Variants in TCERG1 observed in about 807,000 individuals in gnomAD.
TCERG1 encodes the protein TATA box binding protein (TBP)-associated factor, RNA polymerase II, S, 150kD.
TCERG1 carries 37 observed loss-of-function variants against 144.7 expected under a neutral mutation model. The ratio of observed to expected loss-of-function variants is 0.26; its 90% CI spans 0.20 to 0.34. The LOEUF is 0.34. Among genes scored for constraint, TCERG1 ranks in the 10% least tolerant of loss-of-function variants. The pLI is 1.00. For missense variants in TCERG1, 1,027 were observed against 1,380.7 expected, an observed-to-expected ratio of 0.74 and a Z score of 4.06; for synonymous variants, 492 against 458.2, an observed-to-expected ratio of 1.07 and a Z score of -0.94.
intron 15 of TCERG1, among the ~76,000 whole-genome samples, chr5:146,487,837 C>G (rs191615951): frequency 7.9e-5 from 12 of 151,982 alleles, no homozygotes; most frequent in Admixed American, 6.6e-4. Flanking sequence ...ATCGTAGTAC[C>G]AGACTTCAAA....
At chr5:146,467,994 G>A (rs893123972) in intron 5 of TCERG1, among the ~76,000 whole-genome samples, 1 of 152,190 alleles carries the variant, frequency 6.6e-6, no homozygotes, top group South Asian at 2.1e-4. Flanking sequence ...CTAAGCAACA[G>A]CAGCATGGGT....
chr5:146,509,570 T>C (rs529991811), intron 22 of TCERG1, among the ~76,000 whole-genome samples: 32 of 152,210 alleles, frequency 2.1e-4, no homozygotes, highest in African/African-American at 7.5e-4. Context: ...GAAGAGACTT[T>C]TAAAATAATC....
rs543747361 is a variant in TCERG1, at chr5:146,503,896, A to C, written c.2671A>C (p.Arg891=). Residue 891 remains arginine (R), a synonymous_variant, in exon 19 of 23, where the codon AGG becomes CGG. Transcript: ENST00000679501. ...TGAGGCAAGCCTTCGAGAACGAGAAAGGGAGGTTCAAAAGGCCCGTTCAGA... is the reference window on the plus strand; with the variant it reads ...TGAGGCAAGCCTTCGAGAACGAGAACGGGAGGTTCAAAAGGCCCGTTCAGA... ...RIEASLRERE[R]EVQKARSEQT... The C allele has an allele frequency of 3.1e-6, 5 of 1,613,564 alleles. No homozygotes were observed. In the African/African-American group the frequency reaches 5.3e-5, roughly 17 times the overall value.
Position 146,471,192 on chromosome 5 carries a change from A to T in TCERG1, c.1513-296A>T, listed in dbSNP as rs543842511. On this transcript the variant is annotated intron_variant, in intron 8 of 22. Transcript: ENST00000679501. The stretch of plus-strand genomic sequence containing the variant: ...TTCAGTAGCAGGAAAGCTAGCAGAA[A>T]TAAGAAACAACCTTAAATGAAGAGG... Among the ~76,000 whole-genome samples, 28 of 152,360 alleles carry T rather than the reference A, an allele frequency of 1.8e-4. No homozygotes were observed. In the South Asian group the frequency reaches 5.6e-3, roughly 30 times the overall value.
intron 4 of TCERG1, 80 bp downstream of exon 4, chr5:146,459,417 A>G: frequency 6.5e-7 from 1 of 1,535,354 alleles, no homozygotes; most frequent in Non-Finnish European, 8.8e-7. Context: ...TATTGATCCC[A>G]GTGTTTCTGG....
chr5:146,510,548 G>A lies in TCERG1; in HGVS notation c.3254G>A (p.Arg1085His), dbSNP rs751112914. 14 of 1,613,998 alleles carry A rather than the reference G, an allele frequency of 8.7e-6. No homozygotes were observed. Among genetic ancestry groups the A allele is most frequent in the Admixed American group, 3.3e-5 (2 of 60,010 alleles). The change falls in exon 23 of 23, where the codon CGT (arginine) becomes CAT (histidine). Residue 1085 changes from arginine to histidine, a missense_variant. By Grantham distance (29) the Arg-to-His change is conservative. Transcript: ENST00000679501. ...CTGGACTGTGTGCCAGAGGAGAGGC[G>A]TAAACTGATTGTGGCATATGTTGAT... Reference protein sequence around the residue: ...LVLDCVPEERRKLIVAYVDDL... With the variant: ...LVLDCVPEERHKLIVAYVDDL...
In TCERG1 at chr5:146,483,459, C is replaced by T. The variant is rs1581498112; in HGVS notation, c.2074-81C>T. The T allele has an allele frequency of 5.9e-5, 72 of 1,211,356 alleles. 2 individuals are homozygous for T. The South Asian group carries it at 9.4e-4, about 16-fold the overall frequency. 75.0% of individuals were successfully genotyped at this position (1,211,356 alleles called of 1,614,324 possible). ...TTATGTCTCCTTTATAAACAGATAT[C>T]CTGTAGATTTCAAGCAAAATTATGA... On this transcript the variant is annotated intron_variant, in intron 14 of 22. Transcript: ENST00000679501.
chr5:146,490,982 A>G (rs1319639450), intron 15 of TCERG1, among the ~76,000 whole-genome samples: 2 of 151,688 alleles, frequency 1.3e-5, no homozygotes, highest in African/African-American at 2.4e-5. Context: ...TAGCTCTGTG[A>G]GGTTGTTTAG....
intron 15 of TCERG1, among the ~76,000 whole-genome samples, chr5:146,484,682 T>G (rs1765665152): frequency 6.6e-6 from 1 of 152,228 alleles, no homozygotes; most frequent in African/African-American, 2.4e-5. Context: ...TGTGTGAGTT[T>G]TTTATTCTCA....
intron 9 of TCERG1, among the ~76,000 whole-genome samples, chr5:146,474,393 G>T (rs1184029824): frequency 6.6e-6 from 1 of 152,202 alleles, no homozygotes; most frequent in Non-Finnish European, 1.5e-5. Context: ...TATGAGCAAA[G>T]AAAGTGAATT....
At chr5:146,474,036 A>G (rs1764596228) in intron 9 of TCERG1, among the ~76,000 whole-genome samples, 1 of 89,206 alleles carries the variant, frequency 1.1e-5, no homozygotes, top group Admixed American at 1.1e-4. Context: ...TAGCTGCCAT[A>G]GATTGTGATT....
Position 146,503,867 on chromosome 5 carries a change from G to T in TCERG1, c.2642G>T (p.Arg881Leu). 6.2e-7 allele frequency: 1 copy of T among 1,609,060 alleles called. No individual in the cohort carries two copies. Among genetic ancestry groups the T allele is most frequent in the Non-Finnish European group, 8.5e-7 (1 of 1,178,400 alleles). ...EKEKELERQA[R>L]IEASLRERER... ...GAAAAGGAGCTTGAAAGGCAAGCCC[G>T]CATTGAGGCAAGCCTTCGAGAACGA... The change falls in exon 19 of 23, where the codon CGC (arginine) becomes CTC (leucine). Residue 881 changes from arginine (R) to leucine (L), a missense_variant. Arg to Leu is a moderately radical substitution (Grantham distance 102). This residue lies in a region of TCERG1 where 482 missense variants were observed against 632.6 expected (regional missense o/e 0.76). Transcript: ENST00000679501.
chr5:146,455,098 C>G lies in TCERG1; in HGVS notation c.102C>G (p.Pro34=), dbSNP rs765579159. ...QQALRFRGPA[P]PPNAVMRGPP... Reference sequence around the variant, plus strand: ...CCTTGAGGTTCCGAGGTCCGGCTCCCCCACCAAATGCAGTGATGCGAGGCC... The same window carrying G: ...CCTTGAGGTTCCGAGGTCCGGCTCCGCCACCAAATGCAGTGATGCGAGGCC... The change falls in exon 2 of 23, where the codon CCC becomes CCG. Residue 34 remains proline (P), a synonymous_variant. Coordinates refer to ENST00000679501, the MANE Select transcript of TCERG1 (RefSeq NM_001382548.1). 8 of 1,614,122 alleles carry G rather than the reference C, an allele frequency of 5.0e-6. No individual in the cohort carries two copies. In the Admixed American group the frequency reaches 1.3e-4, roughly 27 times the overall value.
chr5:146,472,571 C>G (rs186608522), intron 9 of TCERG1, among the ~76,000 whole-genome samples: 21 of 152,214 alleles, frequency 1.4e-4, no homozygotes, highest in African/African-American at 5.1e-4. Context: ...ACCGGCTGTT[C>G]CCCATCTCTC....
At chr5:146,483,942 T>C (rs1488632812) in intron 15 of TCERG1, among the ~76,000 whole-genome samples, 5 of 152,140 alleles carry the variant, frequency 3.3e-5, no homozygotes, top group Non-Finnish European at 7.4e-5. Flanking sequence ...GGGCCAATGA[T>C]GCAAATTTAG....
At chr5:146,480,795 C>G (rs532782971) in intron 12 of TCERG1, among the ~76,000 whole-genome samples, 5 of 151,882 alleles carry the variant, frequency 3.3e-5, no homozygotes, top group Non-Finnish European at 7.4e-5. Flanking sequence ...TAGGACAACC[C>G]CTATAAAGGG....
chr5:146,498,637 C>T lies in TCERG1; in HGVS notation c.2384C>T (p.Ala795Val), dbSNP rs1453169121. ...GAAGCCTTGTTTAATGAGTTTGTGG[C>T]CGCTGCTAGGAAGAAAGAGAAAGAA... ...DREALFNEFV[A>V]AARKKEKEDS... The change falls in exon 17 of 23, where the codon GCC becomes GTC. Residue 795 changes from alanine to valine, a missense_variant. Ala to Val is a moderately conservative substitution (Grantham distance 64, BLOSUM62 0). Coordinates refer to ENST00000679501, the MANE Select transcript of TCERG1 (RefSeq NM_001382548.1). The T allele has an allele frequency of 3.1e-5, 50 of 1,610,336 alleles. No individual in the cohort carries two copies. Among genetic ancestry groups the T allele is most frequent in the Non-Finnish European group, 3.7e-5 (44 of 1,178,370 alleles).
intron 16 of TCERG1, among the ~76,000 whole-genome samples, chr5:146,493,399 C>G (rs1237228344): frequency 6.6e-6 from 1 of 151,900 alleles, no homozygotes; most frequent in Non-Finnish European, 1.5e-5. Context: ...TTTACCACTT[C>G]AATTTCAAAA....
intron 15 of TCERG1, among the ~76,000 whole-genome samples, chr5:146,484,368 A>G (rs1051356856): frequency 4.6e-5 from 7 of 152,270 alleles, no homozygotes; most frequent in Non-Finnish European, 1.0e-4. Flanking sequence ...TACCTGAACT[A>G]TCCTGACACT....
Sources: allele counts gnomAD v4.1 joint callset (sites outside exome capture counted in the v4.1 genomes callset), GRCh38; gene constraint gnomAD v4.1.1; regional missense constraint gnomAD v4.1.1; transcripts MANE v1.5; gene names NCBI Gene and HGNC (gene_info 2026-07-23, HGNC 2026-07-21).